GPC6: variants seen among roughly 807,000 people sequenced by gnomAD.
GPC6 encodes glypican 6.
A neutral mutation model predicts 55.2 loss-of-function variants in GPC6; 14 were observed. That is an observed-to-expected ratio of 0.25 (90% confidence interval 0.17 to 0.40). GPC6 has a LOEUF of 0.40. Ranked by LOEUF, GPC6 falls within the 10% of genes least tolerant of loss-of-function variation. The probability of loss-of-function intolerance (pLI) is 1.00; values close to 1 mark genes in which losing one functional copy is unlikely to be tolerated. For missense variants in GPC6, 641 were observed against 708.5 expected, an observed-to-expected ratio of 0.90 and a Z score of 1.08; for synonymous variants, 278 against 259.6, an observed-to-expected ratio of 1.07 and a Z score of -0.68.
chr13:93,394,990 C>G (rs1875789325), intron 1 of GPC6: 1 of 225,544 alleles, frequency 4.4e-6, no homozygotes, highest in African/African-American at 2.3e-5. Context: ...AAGTATTGGC[C>G]TCCACTGTCA....
intron 2 of GPC6, among the ~76,000 whole-genome samples, chr13:93,764,455 A>G (rs1885046394): frequency 6.6e-6 from 1 of 152,152 alleles, no homozygotes; most frequent in Non-Finnish European, 1.5e-5. Context: ...TGTTTGGTTC[A>G]TATCTACTAG....
intron 2 of GPC6, among the ~76,000 whole-genome samples, chr13:93,632,903 G>C (rs993198776): frequency 6.6e-6 from 1 of 151,962 alleles, no homozygotes; most frequent in African/African-American, 2.4e-5. Flanking sequence ...AAAATATTTA[G>C]TTCTGAGTTT....
At chr13:93,755,809 A>G (rs1431571725) in intron 2 of GPC6, among the ~76,000 whole-genome samples, 1 of 152,214 alleles carries the variant, frequency 6.6e-6, no homozygotes, top group African/African-American at 2.4e-5. Flanking sequence ...AATAGAGTCT[A>G]TGACAGACAT....
In GPC6 at chr13:93,468,489, G is replaced by A. The variant is rs1048024723; in HGVS notation, c.161-76774G>A. Among the ~76,000 whole-genome samples, 6 of 150,416 alleles carry A rather than the reference G, an allele frequency of 4.0e-5. 1 individual carries two copies. The highest frequency in any genetic ancestry group is 1.9e-4 in the East Asian group (1 of 5,166). ...GTAATAAAGAAGCAAATTATAATTCGGGGCTGGGGACTGGAGTTTAAAAGA... is the reference window on the plus strand; with the variant it reads ...GTAATAAAGAAGCAAATTATAATTCAGGGCTGGGGACTGGAGTTTAAAAGA... On this transcript the variant is annotated intron_variant, in intron 1 of 8. Transcript: ENST00000377047.
chr13:94,018,125 T>C (rs902267202), intron 3 of GPC6, among the ~76,000 whole-genome samples: 6 of 152,164 alleles, frequency 3.9e-5, no homozygotes, highest in Non-Finnish European at 7.4e-5. Context: ...ATTTTTATCA[T>C]AAAAGTGTGG....
At chr13:94,095,183 AT>A (rs1885616607) in intron 4 of GPC6, among the ~76,000 whole-genome samples, 1 of 152,182 alleles carries the variant, frequency 6.6e-6, no homozygotes, top group African/African-American at 2.4e-5. Context: ...AGAAATAAGT[AT>A]TTGGAAAGGA....
chr13:93,958,580 G>A (rs914864674), intron 3 of GPC6, among the ~76,000 whole-genome samples: 7 of 152,078 alleles, frequency 4.6e-5, no homozygotes, highest in Non-Finnish European at 2.9e-5. Flanking sequence ...AGTATCAGCT[G>A]TTTTGTTCAC....
intron 1 of GPC6, among the ~76,000 whole-genome samples, chr13:93,431,792 T>G (rs16948800): frequency 0.24 from 37,032 of 152,058 alleles, 4,480 homozygotes; most frequent in Middle Eastern, 0.29. Context: ...AAATAATTCT[T>G]AGCAATTTTA....
intron 1 of GPC6, among the ~76,000 whole-genome samples, chr13:93,494,375 G>A (rs1252177586): frequency 6.8e-6 from 1 of 146,986 alleles, no homozygotes; most frequent in Non-Finnish European, 1.5e-5. Context: ...CCATTTGCTT[G>A]GTAGATCTTC....
At chr13:94,388,940 C>T (rs1169899655) in intron 7 of GPC6, among the ~76,000 whole-genome samples, 1 of 152,204 alleles carries the variant, frequency 6.6e-6, no homozygotes, top group African/African-American at 2.4e-5. Flanking sequence ...GAATCACATC[C>T]TACTTATCAG....
intron 4 of GPC6, among the ~76,000 whole-genome samples, chr13:94,038,062 A>G (rs1203050590): frequency 1.3e-5 from 2 of 151,924 alleles, no homozygotes; most frequent in African/African-American, 4.8e-5. Flanking sequence ...TAGAAACTAA[A>G]TTTTTTATTT....
At position 93,295,044 on chromosome 13, in the gene GPC6, G is replaced by T. The variant is rs186400012; in HGVS notation, c.160+67428G>T. 3.1e-3 allele frequency among the ~76,000 whole-genome samples: 465 copies of T among 147,624 alleles called. 1 individual carries two copies. Among genetic ancestry groups the T allele is most frequent in the Non-Finnish European group, 5.6e-3 (375 of 67,534 alleles). ...CCAGAATGTTGGGAAGCCTAGGTGG[G>T]CAGATTGCTTGAGCCTCAGGAGTTC... On this transcript the variant is annotated intron_variant, in intron 1 of 8. Coordinates refer to ENST00000377047, the MANE Select transcript of GPC6 (RefSeq NM_005708.5).
chr13:93,319,359 A>T (rs1009254630), intron 1 of GPC6, among the ~76,000 whole-genome samples: 2 of 152,204 alleles, frequency 1.3e-5, no homozygotes, highest in Admixed American at 6.5e-5. Flanking sequence ...GGAAAAACCC[A>T]CTAAAAAGGA....
At chr13:93,448,026 A>G (rs1326320357) in intron 1 of GPC6, among the ~76,000 whole-genome samples, 1 of 152,198 alleles carries the variant, frequency 6.6e-6, no homozygotes, top group Non-Finnish European at 1.5e-5. Context: ...ACATAGGGCC[A>G]AGGAAACCAC....
intron 6 of GPC6, among the ~76,000 whole-genome samples, chr13:94,309,985 T>C (rs1876155854): frequency 6.6e-6 from 1 of 152,244 alleles, no homozygotes; most frequent in Admixed American, 6.5e-5. Flanking sequence ...CATAATTTGA[T>C]GTGAAACTAT....
chr13:93,640,710 TC>T (rs1356829665), intron 2 of GPC6, among the ~76,000 whole-genome samples: 3 of 9,896 alleles, frequency 3.0e-4, no homozygotes, highest in African/African-American at 5.3e-4. Context: ...CCCTCAGTCC[TC>T]CCTCCTCCCC....
intron 2 of GPC6, among the ~76,000 whole-genome samples, chr13:93,730,405 A>G (rs1363812357): frequency 1.3e-5 from 2 of 152,164 alleles, no homozygotes; most frequent in Admixed American, 6.5e-5. Context: ...TTGATTTTCA[A>G]TATCAAATTG....
intron 1 of GPC6, among the ~76,000 whole-genome samples, chr13:93,243,898 T>C (rs1876518121): frequency 1.3e-5 from 2 of 151,944 alleles, no homozygotes; most frequent in Non-Finnish European, 2.9e-5. Flanking sequence ...GGGGTGGCCA[T>C]GGGATGCTTG....
intron 6 of GPC6, among the ~76,000 whole-genome samples, chr13:94,322,399 A>G (rs555938703): frequency 6.6e-6 from 1 of 152,256 alleles, no homozygotes; most frequent in South Asian, 2.1e-4. Context: ...CAGGCCAATC[A>G]GGCAGAGAAG....
Sources: allele counts gnomAD v4.1 joint callset (sites outside exome capture counted in the v4.1 genomes callset), GRCh38; gene constraint gnomAD v4.1.1; transcripts MANE v1.5; gene names NCBI Gene and HGNC (gene_info 2026-07-23, HGNC 2026-07-21).